MYO1G: variants seen among roughly 807,000 people sequenced by gnomAD.
MYO1G encodes the protein myosin IG.
In MYO1G, 65 loss-of-function variants were observed where a neutral mutation model predicts 115.3. The observed-to-expected ratio is 0.56, with a 90% CI of 0.46 to 0.69. The LOEUF (loss-of-function observed/expected upper bound fraction) is 0.69. Ranked by LOEUF, MYO1G falls within the 30% of genes least tolerant of loss-of-function variation. MYO1G has a pLI of 0.00. For synonymous variants in MYO1G, 510 were observed against 552.6 expected (o/e 0.92, Z 1.08); for missense variants, 1,204 against 1,393.5 (o/e 0.86, Z 2.16).
At chr7:44,972,069 C>T in intron 6 of MYO1G, 46 bp downstream of exon 6, 1 of 1,453,312 alleles carries the variant, frequency 6.9e-7, no homozygotes, top group South Asian at 1.1e-5. Flanking sequence ...ACACTCAGGC[C>T]CTGACACTGA....
rs771899380 is a variant in MYO1G at position 44,969,767 on chromosome 7, G to A, written c.1441C>T (p.Arg481Ter). ...ACSSAGTITD[R>*]IFLQTLDMHH... is the part of the protein sequence containing the mutation. The stretch of plus-strand genomic sequence containing the variant: ...ATGTCCAGGGTCTGCAGGAAGATTC[G>A]GTCAGTGATGGTGCCAGCAGAGCTG... Residue 481 changes from arginine to a stop codon, truncating the protein, a stop_gained, in exon 11 of 22, where the codon CGA (arginine) becomes TGA (stop). Transcript: ENST00000258787. LOFTEE classifies it high-confidence loss of function. The surrounding 1 kb of genome is among the most constrained non-coding windows in gnomAD (Gnocchi z 5.0). 5 of 1,612,686 alleles carry A rather than the reference G, an allele frequency of 3.1e-6. No individual in the cohort carries two copies. The highest frequency in any genetic ancestry group is 4.2e-6 in the Non-Finnish European group (5 of 1,179,946).
intron 12 of MYO1G, among the ~76,000 whole-genome samples, chr7:44,968,227 A>C (rs1171501137): frequency 6.6e-6 from 1 of 152,194 alleles, no homozygotes; most frequent in Non-Finnish European, 1.5e-5. Flanking sequence ...ATGTCCTAGC[A>C]CCGAGTCCTG....
chr7:44,967,179 C>T (rs1398416964), intron 14 of MYO1G, among the ~76,000 whole-genome samples: 1 of 152,236 alleles, frequency 6.6e-6, no homozygotes, highest in Non-Finnish European at 1.5e-5. Flanking sequence ...CATGTCCTCT[C>T]CCTGACCCTT....
At chr7:44,977,465 G>A (rs1348293520) in intron 1 of MYO1G, among the ~76,000 whole-genome samples, 1 of 151,986 alleles carries the variant, frequency 6.6e-6, no homozygotes, top group Non-Finnish European at 1.5e-5. Flanking sequence ...GAAGTGACTG[G>A]GCTGGGAGGG....
chr7:44,964,317 C>A lies in MYO1G; in HGVS notation c.2631+98G>T. The A allele has an allele frequency of 7.3e-7, 1 of 1,376,354 alleles. No individual in the cohort carries two copies. Among genetic ancestry groups the A allele is most frequent in the South Asian group, 1.2e-5 (1 of 85,326 alleles). 85.3% of individuals were successfully genotyped at this position (1,376,354 alleles called of 1,614,324 possible). The stretch of plus-strand genomic sequence containing the variant: ...TGGGCTGGGGTTGCCTCCATTTTCT[C>A]CCAAGTGCCCCCCCAAAACTCTGCA... On this transcript the variant is annotated intron_variant, in intron 19 of 21. Transcript: ENST00000258787. This position sits in a 1 kb window ranked among gnomAD's most constrained non-coding sequence, Gnocchi z 5.1.
At chr7:44,977,739 G>A (rs996474375) in intron 1 of MYO1G, among the ~76,000 whole-genome samples, 2 of 152,176 alleles carry the variant, frequency 1.3e-5, no homozygotes, top group African/African-American at 4.8e-5. Context: ...CCCCTGGGAG[G>A]AGGACTGGCA....
At chr7:44,975,924 C>T (rs1344973481) in intron 3 of MYO1G, among the ~76,000 whole-genome samples, 2 of 152,226 alleles carry the variant, frequency 1.3e-5, no homozygotes, top group African/African-American at 2.4e-5. Flanking sequence ...TCACAGCCAC[C>T]TCTTCCCCTC....
chr7:44,975,237 G>A lies in MYO1G; in HGVS notation c.565-10C>T. On this transcript the variant is annotated splice_polypyrimidine_tract_variant and intron_variant, in intron 4 of 21. Coordinates refer to ENST00000258787, the MANE Select transcript of MYO1G (RefSeq NM_033054.3). Reference sequence around the variant, plus strand: ...GCTTGAGGACCCGAGACTGAGGAGAGAGGGGCAGATGGACTCAGGCCTGGG... The same window carrying A: ...GCTTGAGGACCCGAGACTGAGGAGAAAGGGGCAGATGGACTCAGGCCTGGG... 2 of 1,614,018 alleles carry A rather than the reference G, an allele frequency of 1.2e-6. No individual in the cohort carries two copies. The highest frequency in any genetic ancestry group is 1.7e-6 in the Non-Finnish European group (2 of 1,179,960).
Position 44,967,707 on chromosome 7 carries a change from C to A in MYO1G, c.1680G>T (p.Pro560=). 1 of 1,613,664 alleles carries A rather than the reference C, an allele frequency of 6.2e-7. No individual in the cohort carries two copies. The highest frequency in any genetic ancestry group is 8.5e-7 in the Non-Finnish European group (1 of 1,180,020). The part of the protein sequence containing the change: ...STDPTLRAMW[P]DGQQDITEVT... ...CCTCTGTGATGTCCTGCTGCCCGTCCGGCCACATGGCCCGTAGAGTGGGGT... is the reference window on the plus strand; with the variant it reads ...CCTCTGTGATGTCCTGCTGCCCGTCAGGCCACATGGCCCGTAGAGTGGGGT... The change falls in exon 14 of 22, where the codon CCG becomes CCT. Residue 560 remains proline, a synonymous_variant. Transcript: ENST00000258787.
chr7:44,963,164 C>G lies in MYO1G; in HGVS notation c.2746-40G>C, dbSNP rs561875096. On this transcript the variant is annotated intron_variant, in intron 20 of 21. Transcript: ENST00000258787. The surrounding 1 kb of genome is among the most constrained non-coding windows in gnomAD (Gnocchi z 4.1). The stretch of plus-strand genomic sequence containing the variant: ...GGGTCAGAGTGCAGCCGCCTCAACC[C>G]GCACCCCAGCCTAGCCGGACTCACC... The G allele has an allele frequency of 7.2e-7, 1 of 1,396,132 alleles. No individual in the cohort carries two copies. The highest frequency in any genetic ancestry group is 9.3e-7 in the Non-Finnish European group (1 of 1,079,344). The allele number at this position is 1,396,132 out of a possible 1,614,324, so 86.5% of individuals were successfully genotyped here.
rs1794834809 is a variant in MYO1G at position 44,966,017 on chromosome 7, G to A, written c.2157+56C>T. On this transcript the variant is annotated intron_variant, in intron 16 of 21. Transcript: ENST00000258787. The surrounding 1 kb of genome is among the most constrained non-coding windows in gnomAD (Gnocchi z 5.0). ...CTTACAAGTGTGTTTGTGGCCCCTG[G>A]GACACAAGCTTTCCCCACCTCCATA... The A allele has an allele frequency of 1.3e-6, 2 of 1,589,822 alleles. No homozygotes were observed. Among genetic ancestry groups the A allele is most frequent in the Non-Finnish European group, 1.7e-6 (2 of 1,168,978 alleles).
At chr7:44,972,323 A>C (rs1794974559) in intron 5 of MYO1G, 98 bp from the exon 6 acceptor site, 2 of 896,860 alleles carry the variant, frequency 2.2e-6, no homozygotes, top group East Asian at 4.9e-5. Flanking sequence ...GCTTCCTTCC[A>C]GTATTGAACG....
chr7:44,969,546 C>A lies in MYO1G; in HGVS notation c.1504-63G>T, dbSNP rs371038751. 2.0e-4 allele frequency: 314 copies of A among 1,592,668 alleles called. 4 individuals carry two copies. Among genetic ancestry groups the A allele is most frequent in the Middle Eastern group, 1.8e-3 (11 of 5,972 alleles). On this transcript the variant is annotated intron_variant, in intron 11 of 21. Transcript: ENST00000258787. This position sits in a 1 kb window ranked among gnomAD's most constrained non-coding sequence, Gnocchi z 5.0. ...GTGGAGGGTCTGTATGAAGGGATAG[C>A]CCTGCCTCCCCACCTCCAGGGCAGA...
At position 44,962,772 on chromosome 7, in the gene MYO1G, G is replaced by A. The variant is rs1297193983; in HGVS notation, c.3024C>T (p.Arg1008=). 1 of 1,491,092 alleles carries A rather than the reference G, an allele frequency of 6.7e-7. No homozygotes were observed. Among genetic ancestry groups the A allele is most frequent in the Non-Finnish European group, 8.9e-7 (1 of 1,129,382 alleles). 92.4% of individuals were successfully genotyped at this position (1,491,092 alleles called of 1,614,324 possible). ...EQPEPDFRCA[R]GSFTLLWPSR Reference sequence around the variant, plus strand: ...TGGGCCAGAGCAGGGTGAAGGAGCCGCGAGCGCAGCGGAAATCGGGCTCTG... The same window carrying A: ...TGGGCCAGAGCAGGGTGAAGGAGCCACGAGCGCAGCGGAAATCGGGCTCTG... The change falls in exon 22 of 22, where the codon CGC becomes CGT. Residue 1008 remains arginine (R), a synonymous_variant. Transcript: ENST00000258787. The surrounding 1 kb of genome is among the most constrained non-coding windows in gnomAD (Gnocchi z 5.3).
intron 2 of MYO1G, 38 bp from the exon 3 acceptor site, chr7:44,976,695 T>G (rs1583797231): frequency 1.2e-6 from 2 of 1,612,960 alleles, no homozygotes; most frequent in Non-Finnish European, 8.5e-7. Context: ...TCAGCCAGGT[T>G]CGCTCTCTTA....
At position 44,976,651 on chromosome 7, in the gene MYO1G, C is replaced by T; in HGVS notation, c.311G>A (p.Ser104Asn). 6.2e-7 allele frequency: 1 copy of T among 1,614,124 alleles called. No homozygotes were observed. The highest frequency in any genetic ancestry group is 8.5e-7 in the Non-Finnish European group (1 of 1,180,026). The part of the protein sequence containing the change: ...RDTCIVISGE[S>N]GAGKTEASKH... ...ACTGGCTTCTGTCTTCCCTGCCCCA[C>T]TCTCCCCTGCCGGAAAGACCAGAGT... The change falls in exon 3 of 22, where the codon AGT becomes AAT. Residue 104 changes from serine (S) to asparagine (N), a missense_variant. Physicochemically the swap from Ser to Asn is conservative, Grantham distance 46 (BLOSUM62 1). Transcript: ENST00000258787.
chr7:44,972,396 C>T, intron 5 of MYO1G, 171 bp from the exon 6 acceptor site: 1 of 601,234 alleles, frequency 1.7e-6, no homozygotes, highest in South Asian at 1.8e-5. Context: ...GCTCCCCATT[C>T]AGCTGTTCAG....
intron 14 of MYO1G, among the ~76,000 whole-genome samples, 159 bp downstream of exon 14, chr7:44,967,446 G>T (rs1401944133): frequency 6.6e-6 from 1 of 152,174 alleles, no homozygotes; most frequent in Non-Finnish European, 1.5e-5. Flanking sequence ...CTGTGCAGTG[G>T]GTGGGGTCCA....
At chr7:44,970,209 T>A in intron 9 of MYO1G, 55 bp from the exon 10 acceptor site, 1 of 1,227,226 alleles carries the variant, frequency 8.1e-7, no homozygotes, top group Non-Finnish European at 1.2e-6. Flanking sequence ...GAGTGCATGG[T>A]AATGGGTGGC....
Sources: allele counts gnomAD v4.1 joint callset (sites outside exome capture counted in the v4.1 genomes callset), GRCh38; gene constraint gnomAD v4.1.1; non-coding constraint Gnocchi (gnomAD v3.1); transcripts MANE v1.5; gene names NCBI Gene and HGNC (gene_info 2026-07-23, HGNC 2026-07-21).